The following ATXN1 variants were observed in gnomAD, a reference collection of about 807,000 sequenced individuals.
The protein encoded by ATXN1 is ataxin-1.
In ATXN1, 8 loss-of-function variants were observed where a neutral mutation model predicts 56.4. The ratio of observed to expected loss-of-function variants is 0.14; its 90% CI spans 0.08 to 0.26. The LOEUF (loss-of-function observed/expected upper bound fraction) is 0.26. ATXN1 is among the 10% of genes least tolerant of loss of function. The pLI, the probability that ATXN1 is intolerant of heterozygous loss-of-function variation, is 1.00. For missense variants in ATXN1, 987 were observed against 1,106.5 expected, an observed-to-expected ratio of 0.89 and a Z score of 1.53; for synonymous variants, 514 against 494.6, an observed-to-expected ratio of 1.04 and a Z score of -0.52.
At chr6:16,489,440 T>C (rs1454657753) in intron 5 of ATXN1, among the ~76,000 whole-genome samples, 1 of 152,218 alleles carries the variant, frequency 6.6e-6, no homozygotes, top group Non-Finnish European at 1.5e-5. Context: ...CTTTCTATTC[T>C]GTTCTTCCAA....
chr6:16,742,528 A>C (rs1157322764), intron 2 of ATXN1, among the ~76,000 whole-genome samples: 1 of 152,188 alleles, frequency 6.6e-6, no homozygotes, highest in East Asian at 1.9e-4. Flanking sequence ...CCAGGGCTTC[A>C]GTTTCCAATG....
At position 16,304,649 on chromosome 6, in the gene ATXN1, T is replaced by C. The variant is rs1163196943; in HGVS notation, c.*1680A>G. 6.6e-6 allele frequency: 1 copy of C among 152,604 alleles called. No homozygotes were observed. The highest frequency in any genetic ancestry group is 1.9e-4 in the East Asian group (1 of 5,192). The allele number at this position is 152,604 out of a possible 1,614,324, so 9.5% of individuals were successfully genotyped here. A position where few individuals can be genotyped will look rare whatever the true frequency, so the allele number is the denominator to read the frequency against. On this transcript the variant is annotated 3_prime_UTR_variant, in exon 8 of 8. Transcript: ENST00000436367. Reference sequence around the variant, plus strand: ...ACCAAAATGAATTTTCAAAGGAACATAACCTTATAAAATGGCCTAGAGTTT... The same window carrying C: ...ACCAAAATGAATTTTCAAAGGAACACAACCTTATAAAATGGCCTAGAGTTT...
At chr6:16,507,400 A>G (rs1273826737) in intron 5 of ATXN1, among the ~76,000 whole-genome samples, 1 of 152,236 alleles carries the variant, frequency 6.6e-6, no homozygotes, top group African/African-American at 2.4e-5. Context: ...TGCCTCTAGG[A>G]AAGACTGACC....
intron 3 of ATXN1, among the ~76,000 whole-genome samples, chr6:16,611,704 T>C (rs192637697): frequency 7.9e-4 from 120 of 152,150 alleles, no homozygotes; most frequent in Admixed American, 3.2e-3. Flanking sequence ...AAGAGATACA[T>C]TCCAAAGAAT....
intron 7 of ATXN1, among the ~76,000 whole-genome samples, chr6:16,317,835 C>T (rs541510486): frequency 7.2e-5 from 11 of 152,218 alleles, no homozygotes; most frequent in East Asian, 1.9e-4. Flanking sequence ...CCCCCTAAAT[C>T]GACTCCTCTA....
intron 4 of ATXN1, among the ~76,000 whole-genome samples, chr6:16,537,827 G>A (rs1761634553): frequency 6.6e-6 from 1 of 152,124 alleles, no homozygotes; most frequent in Admixed American, 6.5e-5. Flanking sequence ...TCTTGGCCAG[G>A]TGCGGTGGCT....
chr6:16,622,574 C>G (rs1299060399), intron 3 of ATXN1, among the ~76,000 whole-genome samples: 1 of 152,212 alleles, frequency 6.6e-6, no homozygotes, highest in East Asian at 1.9e-4. Context: ...ATCCTTCAAT[C>G]TAACATCATT....
chr6:16,434,265 G>T (rs1420956602), intron 6 of ATXN1, among the ~76,000 whole-genome samples: 1 of 152,124 alleles, frequency 6.6e-6, no homozygotes, highest in African/African-American at 2.4e-5. Flanking sequence ...TTAAAGAAAA[G>T]AGATGGCATG....
intron 1 of ATXN1, among the ~76,000 whole-genome samples, chr6:16,759,884 CG>C (rs1200696356): frequency 2.0e-5 from 3 of 152,092 alleles, no homozygotes; most frequent in Non-Finnish European, 4.4e-5. Context: ...AGCCTGAAGG[CG>C]GGGGGCTGAA....
At chr6:16,601,356 G>A (rs2237172) in intron 3 of ATXN1, among the ~76,000 whole-genome samples, 93,736 of 152,026 alleles carry the variant, frequency 0.62, 31,874 homozygotes, top group Admixed American at 0.79. Context: ...AATGAGATAC[G>A]TGGAACAAAT....
At position 16,450,974 on chromosome 6, in the gene ATXN1, A is replaced by AC. The variant is rs756579174; in HGVS notation, c.-161+34997dup. ...GGGGTTAGAACAAAGATTAAAGTAG[A>AC]CCCCCCCAAGGGCCAACGCTATGAA... On this transcript the variant is annotated intron_variant, in intron 6 of 7. Coordinates refer to ENST00000436367, the MANE Select transcript of ATXN1 (RefSeq NM_001128164.2). 2.6e-4 allele frequency among the ~76,000 whole-genome samples: 39 copies of AC among 151,846 alleles called. 1 individual carries two copies. Among genetic ancestry groups the AC allele is most frequent in the Admixed American group, 3.9e-4 (6 of 15,236 alleles).
At chr6:16,536,617 A>C (rs1173142677) in intron 4 of ATXN1, among the ~76,000 whole-genome samples, 1 of 152,224 alleles carries the variant, frequency 6.6e-6, no homozygotes, top group Non-Finnish European at 1.5e-5. Context: ...ATTTAACAAA[A>C]ATTAGGCTTC....
chr6:16,440,649 A>AAAAAAAAGAAAAAAAG (rs56105499), intron 6 of ATXN1, among the ~76,000 whole-genome samples: 1 of 113,660 alleles, frequency 8.8e-6, no homozygotes, highest in Non-Finnish European at 1.8e-5. Flanking sequence ...TTAAAAAAAA[A>AAAAAAAAGAAAAAAAG]AAAGAAAAGA....
Position 16,584,056 on chromosome 6 carries a change from T to G in ATXN1, c.-361+1724A>C, listed in dbSNP as rs1052642712. Among the ~76,000 whole-genome samples the G allele has an allele frequency of 9.9e-5, 15 of 151,766 alleles. No homozygotes were observed. In the South Asian group the frequency reaches 1.0e-3, roughly 11 times the overall value. ...CAACACCCAAGGGAGAAGGGTACTA[T>G]TATTATCCGAATTTTACATGCAAAG... is the stretch of plus-strand genomic sequence containing the variant. On this transcript the variant is annotated intron_variant, in intron 4 of 7. Coordinates refer to ENST00000436367, the MANE Select transcript of ATXN1 (RefSeq NM_001128164.2).
intron 5 of ATXN1, among the ~76,000 whole-genome samples, chr6:16,497,676 G>A (rs1225002665): frequency 6.6e-6 from 1 of 152,162 alleles, no homozygotes; most frequent in East Asian, 1.9e-4. Flanking sequence ...GTCCAGCCTG[G>A]TGGCAGGGCC....
Position 16,399,022 on chromosome 6 carries a change from A to G in ATXN1, c.-160-70552T>C, listed in dbSNP as rs114026017. 3.2e-3 allele frequency among the ~76,000 whole-genome samples: 480 copies of G among 152,212 alleles called. 3 individuals carry two copies. Among genetic ancestry groups the G allele is most frequent in the African/African-American group, 0.011 (449 of 41,522 alleles). Reference sequence around the variant, plus strand: ...CCATTAAACATGCCTCCGTCTCACGACTCCAGCCAGGGTTAAAACCTTCAG... The same window carrying G: ...CCATTAAACATGCCTCCGTCTCACGGCTCCAGCCAGGGTTAAAACCTTCAG... On this transcript the variant is annotated intron_variant, in intron 6 of 7. Coordinates refer to ENST00000436367, the MANE Select transcript of ATXN1 (RefSeq NM_001128164.2).
chr6:16,755,111 T>C (rs1364089619), intron 1 of ATXN1, among the ~76,000 whole-genome samples: 1 of 152,228 alleles, frequency 6.6e-6, no homozygotes, highest in Non-Finnish European at 1.5e-5. Context: ...TAAGGTTTTA[T>C]AGAGTCCAAG....
At chr6:16,359,006 G>A (rs555894096) in intron 6 of ATXN1, among the ~76,000 whole-genome samples, 3 of 152,238 alleles carry the variant, frequency 2.0e-5, no homozygotes, top group South Asian at 2.1e-4. Flanking sequence ...GGACCTGGGC[G>A]TCTCTGCAGC....
At chr6:16,360,451 G>C (rs966084358) in intron 6 of ATXN1, among the ~76,000 whole-genome samples, 19 of 152,132 alleles carry the variant, frequency 1.2e-4, no homozygotes, top group African/African-American at 4.1e-4. Flanking sequence ...AACATATTCA[G>C]CATTTGAACA....
Sources: gnomAD v4.1 joint callset for allele counts (sites outside exome capture counted in the v4.1 genomes callset) on GRCh38, gnomAD v4.1.1 for gene constraint, MANE v1.5 for transcripts, NCBI Gene and HGNC (gene_info 2026-07-23, HGNC 2026-07-21) for gene names.